The following RHBDD1 variants were observed in gnomAD, a reference collection of about 807,000 sequenced individuals.
RHBDD1 encodes the protein rhomboid domain containing 1, also known as rhomboid-related protein 4.
A neutral mutation model predicts 36.3 loss-of-function variants in RHBDD1; 38 were observed. The observed-to-expected ratio is 1.05, with a 90% CI of 0.81 to 1.37. RHBDD1 has a LOEUF of 1.37. Among genes scored for constraint, RHBDD1 ranks in the 40% most tolerant of loss-of-function variants. RHBDD1 has a pLI of 0.00. For missense variants in RHBDD1, 393 were observed against 377.6 expected (o/e 1.04, Z -0.34); for synonymous variants, 151 against 136.5 (o/e 1.11, Z -0.74).
At chr2:226,851,016 C>A (rs1006278593) in intron 3 of RHBDD1, among the ~76,000 whole-genome samples, 3 of 152,126 alleles carry the variant, frequency 2.0e-5, no homozygotes, top group African/African-American at 7.2e-5. Context: ...AACTTAACTC[C>A]TTTGAAACAA....
intron 5 of RHBDD1, among the ~76,000 whole-genome samples, chr2:226,889,397 A>G (rs986873431): frequency 5.3e-5 from 8 of 152,174 alleles, no homozygotes; most frequent in African/African-American, 1.9e-4. Context: ...GTTGCGATTG[A>G]GTTTTCTTAA....
At chr2:226,847,268 T>C (rs918159173) in intron 3 of RHBDD1, among the ~76,000 whole-genome samples, 7 of 152,200 alleles carry the variant, frequency 4.6e-5, no homozygotes, top group Admixed American at 2.6e-4. Context: ...TTACTTCTAC[T>C]TCCCTAAACA....
chr2:226,872,727 CTTAA>C (rs1324133129), intron 5 of RHBDD1, among the ~76,000 whole-genome samples: 1 of 152,162 alleles, frequency 6.6e-6, no homozygotes, highest in African/African-American at 2.4e-5. Flanking sequence ...AATTTAAGTA[CTTAA>C]TTAATGTTCT....
intron 3 of RHBDD1, among the ~76,000 whole-genome samples, chr2:226,849,382 G>A (rs1217372090): frequency 6.6e-6 from 1 of 152,254 alleles, no homozygotes; most frequent in Admixed American, 6.5e-5. Flanking sequence ...GGAGGTTAGT[G>A]AGCACTGGCA....
chr2:226,866,956 A>G (rs1944395490), intron 4 of RHBDD1, among the ~76,000 whole-genome samples: 1 of 152,228 alleles, frequency 6.6e-6, no homozygotes, highest in Non-Finnish European at 1.5e-5. Context: ...TGTATTTAGT[A>G]GCATACTGAA....
rs1206363178 is a variant in RHBDD1, at chr2:226,995,884, C to G, written c.*362C>G. The G allele has an allele frequency of 9.5e-6, 2 of 210,838 alleles. No individual in the cohort carries two copies. The highest frequency in any genetic ancestry group is 1.9e-5 in the Non-Finnish European group (2 of 106,726). The allele number at this position is 210,838 out of a possible 1,614,324, so 13.1% of individuals were successfully genotyped here. A position where few individuals can be genotyped will look rare whatever the true frequency, so the allele number is the denominator to read the frequency against. On this transcript the variant is annotated 3_prime_UTR_variant, in exon 9 of 9. Transcript: ENST00000392062. ...CTTACACCAGTCGGGAAGATTAGTC[C>G]CTCATTCTGCCTGGAGTGCCCCGTG...
chr2:226,908,937 C>G (rs951433518), intron 7 of RHBDD1, 59 bp downstream of exon 7: 4 of 1,095,010 alleles, frequency 3.7e-6, no homozygotes, highest in Non-Finnish European at 5.6e-6. Flanking sequence ...TAGTGTTCAG[C>G]TCTACAGAGT....
chr2:226,921,051 G>C (rs1003444532), intron 8 of RHBDD1, among the ~76,000 whole-genome samples: 1 of 152,058 alleles, frequency 6.6e-6, no homozygotes, highest in Non-Finnish European at 1.5e-5. Context: ...TTATTGGTTT[G>C]TTTAGGTTTT....
intron 8 of RHBDD1, among the ~76,000 whole-genome samples, chr2:226,976,292 C>T (rs145824427): frequency 5.4e-5 from 8 of 147,356 alleles, no homozygotes; most frequent in African/African-American, 2.0e-4. Flanking sequence ...GATATGCCCA[C>T]CCCCCTGGAG....
chr2:226,897,093 T>C (rs1479327544), intron 5 of RHBDD1, among the ~76,000 whole-genome samples: 1 of 152,188 alleles, frequency 6.6e-6, no homozygotes, highest in African/African-American at 2.4e-5. Context: ...TGAGCCATCG[T>C]GCCTGGCCAT....
chr2:226,867,190 T>C lies in RHBDD1; in HGVS notation c.438T>C (p.Val146=). The C allele has an allele frequency of 6.2e-7, 1 of 1,607,706 alleles. No individual in the cohort carries two copies. Among genetic ancestry groups the C allele is most frequent in the South Asian group, 1.1e-5 (1 of 88,902 alleles). ...ATGTTCTTCATTCTCTTTTAGGAGT[T>C]TTGTTTGCTTTGAAAGTTCTTAACA... The part of the protein sequence containing the change: ...KRSCAVGFSG[V]LFALKVLNNH... The change falls in exon 5 of 9, where the codon GTT becomes GTC. Residue 146 remains valine, a synonymous_variant. Coordinates refer to ENST00000392062, the MANE Select transcript of RHBDD1 (RefSeq NM_001167608.3).
chr2:226,986,763 A>G (rs1957045195), intron 8 of RHBDD1, among the ~76,000 whole-genome samples: 1 of 152,220 alleles, frequency 6.6e-6, no homozygotes, highest in South Asian at 2.1e-4. Context: ...ATTGTGGAAG[A>G]TAGTGTGGCG....
intron 5 of RHBDD1, among the ~76,000 whole-genome samples, chr2:226,875,179 T>G (rs1945125819): frequency 6.6e-6 from 1 of 152,220 alleles, no homozygotes; most frequent in African/African-American, 2.4e-5. Flanking sequence ...AGTAGGCAAT[T>G]AGTAAATATT....
the RHBDD1 span, chr2:226,805,074 C>T: frequency 6.6e-6 from 1 of 152,002 alleles, no homozygotes; most frequent in African/African-American, 2.4e-5. Flanking sequence ...TTCTTGATTT[C>T]CTTAACTATT....
At chr2:226,920,601 G>A (rs1328952611) in intron 8 of RHBDD1, among the ~76,000 whole-genome samples, 1 of 152,080 alleles carries the variant, frequency 6.6e-6, no homozygotes, top group Non-Finnish European at 1.5e-5. Flanking sequence ...ATGAAGGAAT[G>A]TTGAATTTTA....
chr2:226,986,322 T>C (rs1240449820), intron 8 of RHBDD1, among the ~76,000 whole-genome samples: 1 of 152,232 alleles, frequency 6.6e-6, no homozygotes, highest in Non-Finnish European at 1.5e-5. Context: ...GATCTAAATG[T>C]CTGGAATTTA....
intron 8 of RHBDD1, among the ~76,000 whole-genome samples, chr2:226,973,031 A>C (rs1342591553): frequency 6.6e-6 from 1 of 152,076 alleles, no homozygotes; most frequent in East Asian, 1.9e-4. Context: ...TTCAAAGTAG[A>C]GATTCAGAGC....
At chr2:226,892,037 C>T (rs1180242775) in intron 5 of RHBDD1, among the ~76,000 whole-genome samples, 2 of 152,210 alleles carry the variant, frequency 1.3e-5, no homozygotes, top group Non-Finnish European at 2.9e-5. Context: ...TGACACTGTG[C>T]TGAGATGAGC....
chr2:226,914,106 A>G, intron 7 of RHBDD1, 102 bp from the exon 8 acceptor site: 3 of 1,026,218 alleles, frequency 2.9e-6, no homozygotes, highest in Non-Finnish European at 4.3e-6. Context: ...TTATACCTAA[A>G]ATAATGTTAT....
Sources: allele counts gnomAD v4.1 joint callset (sites outside exome capture counted in the v4.1 genomes callset), GRCh38; gene constraint gnomAD v4.1.1; transcripts MANE v1.5; gene names NCBI Gene and HGNC (gene_info 2026-07-23, HGNC 2026-07-21).